The following AGBL3 variants were observed in gnomAD, a reference collection of about 807,000 sequenced individuals.
The protein encoded by AGBL3 is AGBL carboxypeptidase 3, also known as cytosolic carboxypeptidase 3.
Under a neutral mutation model 94.5 loss-of-function variants are expected in AGBL3, and 68 were observed. That is an observed-to-expected ratio of 0.72 (90% CI 0.59 to 0.88). The LOEUF is 0.88. Ranked by LOEUF, AGBL3 falls within the 40% of genes least tolerant of loss-of-function variation. The pLI, the probability that AGBL3 is intolerant of heterozygous loss-of-function variation, is 0.00. For synonymous variants in AGBL3, 354 were observed against 370.7 expected, an observed-to-expected ratio of 0.95 and a Z score of 0.52; for missense variants, 934 against 1,103.8, an observed-to-expected ratio of 0.85 and a Z score of 2.18.
intron 11 of AGBL3, among the ~76,000 whole-genome samples, chr7:135,047,367 G>A (rs1817465113): frequency 6.6e-6 from 1 of 152,010 alleles, no homozygotes; most frequent in Non-Finnish European, 1.5e-5. Context: ...CTAATGTCTA[G>A]ATTTCGGTTC....
intron 16 of AGBL3, among the ~76,000 whole-genome samples, chr7:135,128,158 G>C (rs1370662658): frequency 6.6e-6 from 1 of 151,752 alleles, no homozygotes; most frequent in South Asian, 2.1e-4. Context: ...CAGGTGTGGT[G>C]GTGAGTGCCT....
At chr7:134,987,236 C>T (rs1236117322) in intron 1 of AGBL3, among the ~76,000 whole-genome samples, 3 of 152,146 alleles carry the variant, frequency 2.0e-5, no homozygotes, top group Non-Finnish European at 2.9e-5. Context: ...TTGAAATTGT[C>T]GAGTCCTTTG....
At chr7:135,107,169 G>A (rs1467383137) in intron 15 of AGBL3, among the ~76,000 whole-genome samples, 1 of 151,014 alleles carries the variant, frequency 6.6e-6, no homozygotes, top group Non-Finnish European at 1.5e-5. Flanking sequence ...GCCAACTCCT[G>A]GATTAATCGA....
At chr7:135,039,672 T>C (rs1429632470) in intron 8 of AGBL3, among the ~76,000 whole-genome samples, 1 of 151,518 alleles carries the variant, frequency 6.6e-6, no homozygotes, top group African/African-American at 2.4e-5. Context: ...GAAGCAGAGG[T>C]TGCAGGGAGC....
At chr7:135,040,770 C>T (rs1285623773) in intron 8 of AGBL3, among the ~76,000 whole-genome samples, 3 of 151,928 alleles carry the variant, frequency 2.0e-5, no homozygotes, top group African/African-American at 7.3e-5. Context: ...GAATTTCTAA[C>T]CAGTTCAAAA....
At chr7:135,117,766 G>T (rs545885287) in intron 16 of AGBL3, among the ~76,000 whole-genome samples, 1 of 152,266 alleles carries the variant, frequency 6.6e-6, no homozygotes, top group African/African-American at 2.4e-5. Context: ...AGATACTTTT[G>T]GGGGTGTCTA....
At chr7:135,078,159 C>A (rs184575692) in intron 13 of AGBL3, among the ~76,000 whole-genome samples, 1 of 152,176 alleles carries the variant, frequency 6.6e-6, no homozygotes, top group Admixed American at 6.5e-5. Flanking sequence ...TGCAACTATC[C>A]TTTTGAAGAA....
intron 11 of AGBL3, among the ~76,000 whole-genome samples, chr7:135,053,678 G>A (rs1185093066): frequency 1.3e-5 from 2 of 152,098 alleles, no homozygotes; most frequent in Admixed American, 6.6e-5. Flanking sequence ...TCTGCTATGG[G>A]ACTTAATAAA....
At chr7:135,119,783 A>G (rs1212234022) in intron 16 of AGBL3, among the ~76,000 whole-genome samples, 1 of 152,176 alleles carries the variant, frequency 6.6e-6, no homozygotes. Context: ...AGGCTGAGGC[A>G]GGAGAATGGC....
chr7:135,015,484 C>T (rs1200834586), intron 4 of AGBL3, among the ~76,000 whole-genome samples: 3 of 152,076 alleles, frequency 2.0e-5, no homozygotes, highest in African/African-American at 7.2e-5. Context: ...TTTAGTGGAA[C>T]AGTGGATATG....
chr7:135,030,922 T>C (rs1183646162), intron 5 of AGBL3, among the ~76,000 whole-genome samples: 1 of 152,186 alleles, frequency 6.6e-6, no homozygotes, highest in Non-Finnish European at 1.5e-5. Flanking sequence ...TTTATGAATA[T>C]AGTGTGGAAT....
intron 15 of AGBL3, among the ~76,000 whole-genome samples, chr7:135,108,864 A>C (rs1825175932): frequency 6.6e-6 from 1 of 152,094 alleles, no homozygotes; most frequent in African/African-American, 2.4e-5. Context: ...TGTTTCTCAG[A>C]GGTTTTGTTC....
chr7:135,045,753 GAAAT>G, intron 10 of AGBL3, 42 bp from the exon 11 acceptor site: 1 of 1,429,578 alleles, frequency 7.0e-7, no homozygotes, highest in Non-Finnish European at 9.5e-7. Flanking sequence ...GTTTAATCAG[GAAAT>G]AAAGTTATTT....
At chr7:135,034,997 A>G (rs568938247) in intron 7 of AGBL3, 69 bp downstream of exon 7, 2 of 1,327,684 alleles carry the variant, frequency 1.5e-6, no homozygotes, top group East Asian at 5.1e-5. Context: ...TGCTCCCACA[A>G]TCTCATTCAT....
intron 5 of AGBL3, among the ~76,000 whole-genome samples, chr7:135,031,737 T>C (rs1398084648): frequency 6.6e-6 from 1 of 152,218 alleles, no homozygotes; most frequent in African/African-American, 2.4e-5. Flanking sequence ...ATGCCTAAGA[T>C]GCAGCCTTTC....
intron 11 of AGBL3, among the ~76,000 whole-genome samples, chr7:135,053,305 G>T (rs1818049621): frequency 6.6e-6 from 1 of 152,020 alleles, no homozygotes; most frequent in African/African-American, 2.4e-5. Context: ...TTAGTACCTT[G>T]TTATAGAAAG....
At chr7:135,043,968 CA>C in intron 8 of AGBL3, 56 bp from the exon 9 acceptor site, 5 of 1,512,104 alleles carry the variant, frequency 3.3e-6, no homozygotes, top group South Asian at 2.5e-5. Context: ...ATACTACTTT[CA>C]AAAAAAGATA....
At chr7:135,013,109 CAA>C (rs536835419) in intron 4 of AGBL3, among the ~76,000 whole-genome samples, 13 of 151,990 alleles carry the variant, frequency 8.6e-5, no homozygotes, top group Non-Finnish European at 1.5e-4. Flanking sequence ...TTAAAATGGA[CAA>C]AAGACTCGAA....
chr7:135,113,620 T>C (rs2117166199), intron 15 of AGBL3, among the ~76,000 whole-genome samples: 1 of 152,350 alleles, frequency 6.6e-6, no homozygotes, highest in South Asian at 2.1e-4. Context: ...CTTCAGGCTT[T>C]ACTCAGGGTT....
Sources: allele counts gnomAD v4.1 joint callset (sites outside exome capture counted in the v4.1 genomes callset), GRCh38; gene constraint gnomAD v4.1.1; transcripts MANE v1.5; gene names NCBI Gene and HGNC (gene_info 2026-07-23, HGNC 2026-07-21).